DISC1: variants seen among roughly 807,000 people sequenced by gnomAD.
DISC1 encodes disrupted in schizophrenia 1 protein.
A neutral mutation model predicts 84.5 loss-of-function variants in DISC1; 57 were observed. The ratio of observed to expected loss-of-function variants is 0.67; its 90% CI spans 0.55 to 0.84. DISC1 has a LOEUF of 0.84. Among genes scored for constraint, DISC1 ranks in the 40% least tolerant of loss-of-function variants. DISC1 has a pLI of 0.00. For missense variants in DISC1, 1,000 were observed against 1,057.8 expected, an observed-to-expected ratio of 0.95 and a Z score of 0.76; for synonymous variants, 411 against 415.2, an observed-to-expected ratio of 0.99 and a Z score of 0.12.
intron 9 of DISC1, among the ~76,000 whole-genome samples, chr1:231,829,635 G>A (rs977183590): frequency 3.3e-5 from 5 of 152,156 alleles, no homozygotes; most frequent in Admixed American, 1.3e-4. Context: ...TACAGAGTGA[G>A]CCACCATGCC....
At chr1:231,986,142 G>C (rs145908760) in intron 10 of DISC1, among the ~76,000 whole-genome samples, 1 of 152,136 alleles carries the variant, frequency 6.6e-6, no homozygotes, top group Non-Finnish European at 1.5e-5. Flanking sequence ...AAAGTGCCTC[G>C]TACCCTGCCA....
At chr1:231,688,855 G>T (rs1384533733) in intron 1 of DISC1, among the ~76,000 whole-genome samples, 2 of 152,184 alleles carry the variant, frequency 1.3e-5, no homozygotes, top group Non-Finnish European at 2.9e-5. Flanking sequence ...TAGAATACAG[G>T]TTGATTTATT....
intron 8 of DISC1, among the ~76,000 whole-genome samples, chr1:231,806,647 T>A (rs1489535014): frequency 6.6e-6 from 1 of 150,996 alleles, no homozygotes; most frequent in Non-Finnish European, 1.5e-5. Context: ...TCCTGCAGGG[T>A]TCGAGGGTGA....
chr1:231,925,042 T>C (rs182641942), intron 9 of DISC1, among the ~76,000 whole-genome samples: 71 of 151,618 alleles, frequency 4.7e-4, no homozygotes, highest in Non-Finnish European at 2.2e-4. Context: ...GAGGGCAAAA[T>C]TGCACTGGGT....
chr1:231,654,387 C>T (rs2060893944), intron 1 of DISC1, among the ~76,000 whole-genome samples: 1 of 151,772 alleles, frequency 6.6e-6, no homozygotes, highest in Admixed American at 6.6e-5. Flanking sequence ...GTGAAGCTTT[C>T]ATATATTTAT....
intron 3 of DISC1, among the ~76,000 whole-genome samples, chr1:231,713,361 T>A (rs186639762): frequency 1.4e-4 from 21 of 152,296 alleles, no homozygotes; most frequent in African/African-American, 4.3e-4. Context: ...TTAAAATGAT[T>A]GTCTTAATGA....
chr1:231,834,065 A>G, intron 9 of DISC1, among the ~76,000 whole-genome samples: 1 of 152,128 alleles, frequency 6.6e-6, no homozygotes, highest in Non-Finnish European at 1.5e-5. Flanking sequence ...AAAGAGCCTA[A>G]ACACTATCTG....
At chr1:232,016,403 G>A (rs940615073) in intron 11 of DISC1, among the ~76,000 whole-genome samples, 1 of 152,126 alleles carries the variant, frequency 6.6e-6, no homozygotes, top group Non-Finnish European at 1.5e-5. Flanking sequence ...CCCAGAATCT[G>A]AATCCTTTTA....
In DISC1 at chr1:231,858,542, G is replaced by A. The variant is rs767662762; in HGVS notation, c.1981+40025G>A. Among the ~76,000 whole-genome samples the A allele has an allele frequency of 8.5e-5, 13 of 152,278 alleles. No homozygotes were observed. In the South Asian group the frequency reaches 2.7e-3, roughly 32 times the overall value. On this transcript the variant is annotated intron_variant, in intron 9 of 12. Coordinates refer to ENST00000439617, the MANE Select transcript of DISC1 (RefSeq NM_018662.3). The stretch of plus-strand genomic sequence containing the variant: ...TTCATTCTGGTCTGTGTCGCATGCT[G>A]TCTTCCTCTGTCTCCCTACTCTTTC...
chr1:231,971,091 A>G (rs1661891122), intron 10 of DISC1, among the ~76,000 whole-genome samples: 1 of 152,212 alleles, frequency 6.6e-6, no homozygotes, highest in African/African-American at 2.4e-5. Flanking sequence ...AGACAGTTTA[A>G]TTAATTAATG....
At chr1:231,778,915 G>A (rs1421761639) in intron 6 of DISC1, among the ~76,000 whole-genome samples, 1 of 152,182 alleles carries the variant, frequency 6.6e-6, no homozygotes, top group Non-Finnish European at 1.5e-5. Context: ...AGTGGGCCGG[G>A]AGGTCGGATT....
intron 11 of DISC1, among the ~76,000 whole-genome samples, chr1:232,013,058 G>A (rs1355316123): frequency 2.6e-5 from 4 of 152,188 alleles, no homozygotes; most frequent in Non-Finnish European, 4.4e-5. Flanking sequence ...CAGGAGCCAG[G>A]GAAATCAGTG....
intron 4 of DISC1, among the ~76,000 whole-genome samples, chr1:231,751,780 A>G (rs2074626716): frequency 6.6e-6 from 1 of 152,192 alleles, no homozygotes; most frequent in Admixed American, 6.5e-5. Context: ...ATGTTCATCC[A>G]TCTGATAGCA....
At chr1:231,704,309 A>G (rs2066757598) in intron 3 of DISC1, among the ~76,000 whole-genome samples, 1 of 152,208 alleles carries the variant, frequency 6.6e-6, no homozygotes, top group African/African-American at 2.4e-5. Context: ...GCTCATCTGC[A>G]GTGCCCAGGA....
At chr1:231,997,731 C>T (rs1209417745) in intron 10 of DISC1, among the ~76,000 whole-genome samples, 2 of 152,098 alleles carry the variant, frequency 1.3e-5, no homozygotes, top group African/African-American at 2.4e-5. Flanking sequence ...TTTCTGGGAG[C>T]ACAGATGATT....
At chr1:231,706,080 C>A (rs375524338) in intron 3 of DISC1, among the ~76,000 whole-genome samples, 1 of 152,142 alleles carries the variant, frequency 6.6e-6, no homozygotes, top group Non-Finnish European at 1.5e-5. Context: ...TGTGGGAAAA[C>A]CTTCTCAGGC....
intron 9 of DISC1, among the ~76,000 whole-genome samples, chr1:231,878,951 A>G (rs1366864880): frequency 1.3e-5 from 2 of 152,240 alleles, no homozygotes; most frequent in Admixed American, 6.5e-5. Context: ...ACTTATAGCC[A>G]TAAATCACTG....
chr1:231,721,673 T>C (rs2069730455), intron 3 of DISC1, among the ~76,000 whole-genome samples: 1 of 152,166 alleles, frequency 6.6e-6, no homozygotes, highest in Middle Eastern at 3.4e-3. Context: ...GCTTTTCAAA[T>C]TGTGTTCTGA....
chr1:232,025,984 T>C (rs1669433949), intron 11 of DISC1, among the ~76,000 whole-genome samples: 1 of 152,178 alleles, frequency 6.6e-6, no homozygotes, highest in Non-Finnish European at 1.5e-5. Context: ...GGTCAGTGTG[T>C]AAACAAATGT....
Sources: gnomAD v4.1 joint callset for allele counts (sites outside exome capture counted in the v4.1 genomes callset) on GRCh38, gnomAD v4.1.1 for gene constraint, MANE v1.5 for transcripts, NCBI Gene and HGNC (gene_info 2026-07-23, HGNC 2026-07-21) for gene names.